HSPH1: variants seen among roughly 807,000 people sequenced by gnomAD.
The protein encoded by HSPH1 is heat shock protein family H (Hsp110) member 1.
HSPH1 carries 40 observed loss-of-function variants against 100.0 expected under a neutral mutation model. The observed-to-expected ratio is 0.40, with a 90% CI of 0.31 to 0.52. The LOEUF is 0.52. HSPH1 is among the 20% of genes least tolerant of loss of function. The pLI, the probability that HSPH1 is intolerant of heterozygous loss-of-function variation, is 0.54. For missense variants in HSPH1, 876 were observed against 1,015.1 expected (o/e 0.86, Z 1.86); for synonymous variants, 403 against 344.0 (o/e 1.17, Z -1.90).
At position 31,155,652 on chromosome 13, in the gene HSPH1, T is replaced by G. The variant is rs759271202; in HGVS notation, c.168A>C (p.Gln56His). 2 of 1,583,532 alleles carry G rather than the reference T, an allele frequency of 1.3e-6. No individual in the cohort carries two copies. The highest frequency in any genetic ancestry group is 8.6e-7 in the Non-Finnish European group (1 of 1,166,982). The stretch of plus-strand genomic sequence containing the variant: ...ACACCGTATTGTTTGCATGAGTGAT[T>G]TGCTGCAAAAAGAAGTTTGAGATTT... Reference protein sequence around the residue: ...RTIGVAAKNQQITHANNTVSN... With the variant: ...RTIGVAAKNQHITHANNTVSN... Residue 56 changes from glutamine (Q) to histidine (H), a missense_variant and splice_region_variant, in exon 3 of 18, where the codon CAA becomes CAC. Physicochemically the swap from Gln to His is conservative, Grantham distance 24 (BLOSUM62 0). Transcript: ENST00000320027.
chr13:31,162,222 C>A (rs1450864084), upstream of HSPH1: 1 of 844,200 alleles, frequency 1.2e-6, no homozygotes, highest in East Asian at 2.7e-5. Flanking sequence ...TCGGAATAGT[C>A]ACAATTTACT....
At position 31,161,832 on chromosome 13, in the gene HSPH1, G is replaced by A; in HGVS notation, c.-250C>T. 2.0e-6 allele frequency: 3 copies of A among 1,476,024 alleles called. No homozygotes were observed. Among genetic ancestry groups the A allele is most frequent in the Non-Finnish European group, 9.0e-7 (1 of 1,114,746 alleles). 91.4% of individuals were successfully genotyped at this position (1,476,024 alleles called of 1,614,324 possible). ...AAGCGGGGCTCAGCCTCCGCAGGTC[G>A]CTCCGCACCTCGGGTTGCCTGCCTC... On this transcript the variant is annotated 5_prime_UTR_variant, in exon 1 of 18. Transcript: ENST00000320027.
At position 31,155,603 on chromosome 13, in the gene HSPH1, G is replaced by A; in HGVS notation, c.217C>T (p.Arg73Ter). Residue 73 changes from arginine to a stop codon, truncating the protein, a stop_gained, in exon 3 of 18, where the codon CGA becomes TGA. Transcript: ENST00000320027. LOFTEE classifies it high-confidence loss of function. ...TGAATGAAGGGGTCATTGAATGCTCGGCCATGAAATCTTTTGAAGTTAGAC... is the reference window on the plus strand; with the variant it reads ...TGAATGAAGGGGTCATTGAATGCTCAGCCATGAAATCTTTTGAAGTTAGAC... Reference protein sequence around the residue: ...TVSNFKRFHGRAFNDPFIQKE... With the variant: ...TVSNFKRFHG The A allele has an allele frequency of 6.2e-7, 1 of 1,610,608 alleles. No individual in the cohort carries two copies. Among genetic ancestry groups the A allele is most frequent in the Non-Finnish European group, 8.5e-7 (1 of 1,177,572 alleles).
chr13:31,136,889 G>A lies in HSPH1; in HGVS notation c.*429C>T, dbSNP rs1184093182. ...GTTTTAGAAAGCCCTTATGAAGTCA[G>A]ACTTAGTCTTGTTTATAAACATCCA... On this transcript the variant is annotated 3_prime_UTR_variant, in exon 18 of 18. Coordinates refer to ENST00000320027, the MANE Select transcript of HSPH1 (RefSeq NM_006644.4). The A allele has an allele frequency of 9.7e-6, 2 of 206,584 alleles. No individual in the cohort carries two copies. The highest frequency in any genetic ancestry group is 2.2e-5 in the Non-Finnish European group (2 of 92,686). 12.8% of individuals were successfully genotyped at this position (206,584 alleles called of 1,614,324 possible). A position where few individuals can be genotyped will look rare whatever the true frequency, so the allele number is the denominator to read the frequency against.
intron 11 of HSPH1, among the ~76,000 whole-genome samples, chr13:31,145,080 T>C (rs544472558): frequency 2.6e-5 from 4 of 152,244 alleles, no homozygotes; most frequent in South Asian, 2.1e-4. Context: ...TACTATACGC[T>C]ACACAGACAC....
intron 10 of HSPH1, 30 bp downstream of exon 10, chr13:31,147,929 A>G (rs760443480): frequency 1.3e-6 from 2 of 1,541,056 alleles, no homozygotes; most frequent in East Asian, 4.7e-5. Flanking sequence ...TTTAACTAAA[A>G]GAGTAAAATA....
In HSPH1 at chr13:31,145,773, A is replaced by G. The variant is rs1162624077; in HGVS notation, c.1379-5T>C. ...CATTCTGAACTACAAAGCGGCCTAG[A>G]ACAACAACAACAAAAATCACAAAAT... On this transcript the variant is annotated splice_polypyrimidine_tract_variant and splice_region_variant and intron_variant, in intron 10 of 17. Coordinates refer to ENST00000320027, the MANE Select transcript of HSPH1 (RefSeq NM_006644.4). The G allele has an allele frequency of 6.2e-7, 1 of 1,609,972 alleles. No homozygotes were observed. The highest frequency in any genetic ancestry group is 8.5e-7 in the Non-Finnish European group (1 of 1,176,700).
At chr13:31,139,244 C>A in intron 14 of HSPH1, 137 bp from the exon 15 acceptor site, 1 of 616,140 alleles carries the variant, frequency 1.6e-6, no homozygotes, top group Non-Finnish European at 2.9e-6. Flanking sequence ...CCTTGTTACA[C>A]AGAGACCTTG....
Position 31,161,534 on chromosome 13 carries a change from C to T in HSPH1, c.49G>A (p.Val17Ile), listed in dbSNP as rs1392595729. 3.1e-6 allele frequency: 5 copies of T among 1,613,856 alleles called. No individual in the cohort carries two copies. The highest frequency in any genetic ancestry group is 2.2e-5 in the South Asian group (2 of 91,086). Residue 17 changes from valine to isoleucine, a missense_variant, in exon 1 of 18, where the codon GTA (valine) becomes ATA (isoleucine). By Grantham distance (29) the Val-to-Ile change is conservative (BLOSUM62 3). Transcript: ENST00000320027. ...GTCTCGATGCCCCCGGCCCGGGCTA[C>T]CGCGATGTAGCAGCTCTGCGAGCCC... is the stretch of plus-strand genomic sequence containing the variant. ...DVGSQSCYIA[V>I]ARAGGIETIA... is the part of the protein sequence containing the mutation.
chr13:31,158,333 G>C (rs186460251), intron 2 of HSPH1, among the ~76,000 whole-genome samples: 13 of 152,106 alleles, frequency 8.5e-5, no homozygotes, highest in Non-Finnish European at 1.6e-4. Flanking sequence ...GATGGATCAC[G>C]AGCTCAGGAG....
At chr13:31,161,313 C>T (rs921197778) in intron 1 of HSPH1, among the ~76,000 whole-genome samples, 163 bp downstream of exon 1, 1 of 152,216 alleles carries the variant, frequency 6.6e-6, no homozygotes, top group Non-Finnish European at 1.5e-5. Flanking sequence ...GCCCCCCATC[C>T]CTCCTCTGGC....
intron 10 of HSPH1, among the ~76,000 whole-genome samples, chr13:31,147,490 G>A (rs1463433003): frequency 3.3e-5 from 5 of 151,826 alleles, no homozygotes; most frequent in African/African-American, 1.2e-4. Flanking sequence ...CCCAAAATAT[G>A]TACCAAAAAA....
intron 1 of HSPH1, among the ~76,000 whole-genome samples, chr13:31,161,130 G>A (rs557306451): frequency 1.6e-4 from 24 of 152,352 alleles, no homozygotes; most frequent in Admixed American, 1.4e-3. Context: ...GCTGCAGCCT[G>A]CCAAGAAAAG....
intron 1 of HSPH1, among the ~76,000 whole-genome samples, chr13:31,159,612 G>A (rs1444266997): frequency 1.3e-5 from 2 of 152,158 alleles, no homozygotes; most frequent in Non-Finnish European, 2.9e-5. Context: ...AAGAAGGTAA[G>A]TGAATTAGGT....
chr13:31,138,435 C>G lies in HSPH1; in HGVS notation c.2342G>C (p.Arg781Pro). 6.2e-7 allele frequency: 1 copy of G among 1,613,038 alleles called. No individual in the cohort carries two copies. The highest frequency in any genetic ancestry group is 8.5e-7 in the Non-Finnish European group (1 of 1,179,342). The change falls in exon 17 of 18, where the codon CGT becomes CCT. Residue 781 changes from arginine (R) to proline (P), a missense_variant. Physicochemically the swap from Arg to Pro is moderately radical, Grantham distance 103 (BLOSUM62 -2). Transcript: ENST00000320027. ...GATTTTTGTTTTAATTTCCTGAGCA[C>G]GTACAACTGGATCCTGATCAAGACT... ...KKSLDQDPVV[R>P]AQEIKTKIKE... is the part of the protein sequence containing the mutation.
intron 10 of HSPH1, among the ~76,000 whole-genome samples, chr13:31,147,085 T>C (rs1020449873): frequency 6.6e-6 from 1 of 152,166 alleles, no homozygotes; most frequent in Non-Finnish European, 1.5e-5. Flanking sequence ...GGCTCAAGCA[T>C]GTACGACGTT....
chr13:31,146,238 A>C (rs529524225), intron 10 of HSPH1, among the ~76,000 whole-genome samples: 2 of 152,338 alleles, frequency 1.3e-5, no homozygotes, highest in South Asian at 4.1e-4. Context: ...TCTTCTACCT[A>C]GTCTTTACCA....
intron 6 of HSPH1, 116 bp downstream of exon 6, chr13:31,151,493 T>TATTTTGTTA: frequency 1.0e-6 from 1 of 960,464 alleles, no homozygotes; most frequent in Non-Finnish European, 1.5e-6. Flanking sequence ...TTAACATCTT[T>TATTTTGTTA]ACCTAAAATA....
At chr13:31,139,190 G>A (rs1955997460) in intron 14 of HSPH1, 83 bp from the exon 15 acceptor site, 4 of 864,938 alleles carry the variant, frequency 4.6e-6, no homozygotes, top group Non-Finnish European at 7.8e-6. Flanking sequence ...CTCACACTAG[G>A]TAGCTAATCT....
Sources: allele counts gnomAD v4.1 joint callset (sites outside exome capture counted in the v4.1 genomes callset), GRCh38; gene constraint gnomAD v4.1.1; transcripts MANE v1.5; gene names NCBI Gene and HGNC (gene_info 2026-07-23, HGNC 2026-07-21).